TMEM108: variants seen among roughly 807,000 people sequenced by gnomAD.
TMEM108 encodes the protein cancer/testis antigen 124.
In TMEM108, 12 loss-of-function variants were observed where a neutral mutation model predicts 35.1. That is an observed-to-expected ratio of 0.34 (90% CI 0.22 to 0.55). The LOEUF is 0.55. Among genes scored for constraint, TMEM108 ranks in the 20% least tolerant of loss-of-function variants. The pLI is 0.89. For synonymous variants in TMEM108, 287 were observed against 308.6 expected (o/e 0.93, Z 0.73); for missense variants, 680 against 753.3 (o/e 0.90, Z 1.14).
At chr3:133,149,899 A>C (rs904719071) in intron 2 of TMEM108, among the ~76,000 whole-genome samples, 1 of 152,164 alleles carries the variant, frequency 6.6e-6, no homozygotes, top group Non-Finnish European at 1.5e-5. Context: ...CTCAGTGGAC[A>C]CTTAGGTTGT....
At chr3:133,144,204 T>C (rs1238401405) in intron 2 of TMEM108, among the ~76,000 whole-genome samples, 4 of 152,108 alleles carry the variant, frequency 2.6e-5, no homozygotes, top group Non-Finnish European at 2.9e-5. Context: ...CTTCCACTTA[T>C]GAGTGAGAAC....
chr3:133,260,252 G>A (rs1022191362), intron 3 of TMEM108, among the ~76,000 whole-genome samples: 1 of 150,710 alleles, frequency 6.6e-6, no homozygotes, highest in Non-Finnish European at 1.5e-5. Context: ...TTCCCTCCTG[G>A]AGCATATAGA....
intron 2 of TMEM108, among the ~76,000 whole-genome samples, chr3:133,141,801 A>G (rs1234500019): frequency 6.6e-6 from 1 of 152,216 alleles, no homozygotes; most frequent in African/African-American, 2.4e-5. Context: ...ACCTTGGGTT[A>G]GTGGACATGA....
rs1015661706 is a variant in TMEM108, at chr3:133,222,411, T to A, written c.-46-6855T>A. Among the ~76,000 whole-genome samples the A allele has an allele frequency of 4.6e-5, 7 of 152,276 alleles. No homozygotes were observed. In the East Asian group the frequency reaches 5.8e-4, roughly 13 times the overall value. The stretch of plus-strand genomic sequence containing the variant: ...TTATTGGAAGCCTTTGACCTTCCTG[T>A]ACCTGGATATTTATGTCTTTTCCCA... On this transcript the variant is annotated intron_variant, in intron 2 of 5. Coordinates refer to ENST00000321871, the MANE Select transcript of TMEM108 (RefSeq NM_023943.4).
intron 2 of TMEM108, among the ~76,000 whole-genome samples, chr3:133,174,430 T>A (rs1945179725): frequency 1.3e-5 from 2 of 152,186 alleles, no homozygotes; most frequent in South Asian, 4.2e-4. Flanking sequence ...CACCCCCCAG[T>A]AGGGGCAGAC....
chr3:133,330,564 T>A (rs1241331288), intron 3 of TMEM108, among the ~76,000 whole-genome samples: 1 of 152,234 alleles, frequency 6.6e-6, no homozygotes, highest in Admixed American at 6.5e-5. Context: ...AGAAAGTGAT[T>A]ACACAGATTA....
rs1440783646 is a variant in TMEM108 at position 133,230,827 on chromosome 3, C to T, written c.40+1476C>T. Among the ~76,000 whole-genome samples, 4 of 152,180 alleles carry T rather than the reference C, an allele frequency of 2.6e-5. No homozygotes were observed. In the East Asian group the frequency reaches 5.8e-4, roughly 22 times the overall value. ...TATCCTGCAGTCCAGAGAGACAAGACTTATCCTATGACGAGGTCCATCCTC... is the reference window on the plus strand; with the variant it reads ...TATCCTGCAGTCCAGAGAGACAAGATTTATCCTATGACGAGGTCCATCCTC... On this transcript the variant is annotated intron_variant, in intron 3 of 5. Coordinates refer to ENST00000321871, the MANE Select transcript of TMEM108 (RefSeq NM_023943.4).
chr3:133,177,113 C>G (rs200052930), intron 2 of TMEM108, among the ~76,000 whole-genome samples: 19,837 of 151,996 alleles, frequency 0.13, 1,473 homozygotes, highest in South Asian at 0.22. Flanking sequence ...AAGACTAAAC[C>G]AGGAAGAAGT....
intron 2 of TMEM108, among the ~76,000 whole-genome samples, chr3:133,080,018 A>G (rs1943789635): frequency 6.6e-6 from 1 of 152,102 alleles, no homozygotes; most frequent in African/African-American, 2.4e-5. Flanking sequence ...CAAGGCCACA[A>G]TTAGGGGGAA....
chr3:133,235,226 T>A (rs1946217008), intron 3 of TMEM108, among the ~76,000 whole-genome samples: 1 of 152,110 alleles, frequency 6.6e-6, no homozygotes, highest in Admixed American at 6.6e-5. Flanking sequence ...TACCAATGAC[T>A]TTCTTCACAG....
chr3:133,279,822 G>A (rs16840179), intron 3 of TMEM108, among the ~76,000 whole-genome samples: 16,744 of 152,104 alleles, frequency 0.11, 1,415 homozygotes, highest in East Asian at 0.38. Context: ...GCTTGTCAGG[G>A]CCTATGAAAA....
intron 1 of TMEM108, among the ~76,000 whole-genome samples, chr3:133,039,148 C>T (rs1396025387): frequency 6.6e-6 from 1 of 152,068 alleles, no homozygotes; most frequent in East Asian, 1.9e-4. Context: ...TGAAAGTCTA[C>T]AAAAACCAAT....
At chr3:133,069,246 G>A (rs772219711) in intron 2 of TMEM108, among the ~76,000 whole-genome samples, 4 of 152,178 alleles carry the variant, frequency 2.6e-5, no homozygotes, top group Admixed American at 6.5e-5. Context: ...TATGATTACA[G>A]ACTTATTTTA....
chr3:133,227,262 G>T (rs1299323282), intron 2 of TMEM108, among the ~76,000 whole-genome samples: 1 of 131,298 alleles, frequency 7.6e-6, no homozygotes, highest in South Asian at 2.4e-4. Context: ...GCGCAATCTC[G>T]GCTCACTGCA....
intron 2 of TMEM108, among the ~76,000 whole-genome samples, chr3:133,097,559 A>G (rs957332269): frequency 6.6e-6 from 1 of 152,248 alleles, no homozygotes; most frequent in African/African-American, 2.4e-5. Context: ...GAACTAGAAA[A>G]ATAACATTAA....
At chr3:133,392,359 C>CT (rs1559950414) in intron 5 of TMEM108, among the ~76,000 whole-genome samples, 4 of 151,454 alleles carry the variant, frequency 2.6e-5, no homozygotes, top group African/African-American at 9.7e-5. Flanking sequence ...GACAGGGTTT[C>CT]GCTATGTTGG....
At chr3:133,077,933 G>A (rs1576306563) in intron 2 of TMEM108, among the ~76,000 whole-genome samples, 1 of 152,120 alleles carries the variant, frequency 6.6e-6, no homozygotes, top group African/African-American at 2.4e-5. Flanking sequence ...AGGACAGCCC[G>A]GGGGCATTCA....
intron 2 of TMEM108, among the ~76,000 whole-genome samples, chr3:133,183,801 G>A (rs747720817): frequency 3.5e-4 from 53 of 152,206 alleles, no homozygotes; most frequent in Non-Finnish European, 6.8e-4. Flanking sequence ...GTGAGCAGCA[G>A]CATCATAACA....
intron 2 of TMEM108, among the ~76,000 whole-genome samples, chr3:133,088,028 T>C (rs1943904267): frequency 6.6e-6 from 1 of 152,174 alleles, no homozygotes; most frequent in African/African-American, 2.4e-5. Context: ...TGTTACTGTG[T>C]CTAGAGTGTT....
Sources: allele counts gnomAD v4.1 joint callset (sites outside exome capture counted in the v4.1 genomes callset), GRCh38; gene constraint gnomAD v4.1.1; transcripts MANE v1.5; gene names NCBI Gene and HGNC (gene_info 2026-07-23, HGNC 2026-07-21).